DDR2: variants seen among roughly 807,000 people sequenced by gnomAD.
The protein encoded by DDR2 is discoidin domain receptor tyrosine kinase 2, also known as discoidin domain-containing receptor 2.
DDR2 carries 27 observed loss-of-function variants against 94.9 expected under a neutral mutation model. That is an observed-to-expected ratio of 0.28 (90% CI 0.21 to 0.39). The LOEUF (loss-of-function observed/expected upper bound fraction) is 0.39, where lower values mean the gene tolerates loss of function less well. Ranked by LOEUF, DDR2 falls within the 10% of genes least tolerant of loss-of-function variation. DDR2 has a pLI of 1.00. For missense variants in DDR2, 783 were observed against 1,076.0 expected, an observed-to-expected ratio of 0.73 and a Z score of 3.81; for synonymous variants, 382 against 377.2, an observed-to-expected ratio of 1.01 and a Z score of -0.15.
At position 162,690,860 on chromosome 1, in the gene DDR2, T is replaced by A. The variant is rs987128820; in HGVS notation, c.-27-28177T>A. 3.5e-4 allele frequency among the ~76,000 whole-genome samples: 53 copies of A among 152,350 alleles called. 2 individuals carry two copies. The highest frequency in any genetic ancestry group is 1.2e-3 in the African/African-American group (51 of 41,582). On this transcript the variant is annotated intron_variant, in intron 2 of 17. Transcript: ENST00000367921. ...CGGTTAAGAATCATGGGAATAGTATTCTTGCTCTAAAAACGGACCTACAGT... is the reference window on the plus strand; with the variant it reads ...CGGTTAAGAATCATGGGAATAGTATACTTGCTCTAAAAACGGACCTACAGT...
rs1270424859 is a variant in DDR2 at position 162,786,798 on chromosome 1, C to T, written c.*6552C>T. 1 of 152,184 alleles carries T rather than the reference C, an allele frequency of 6.6e-6. No homozygotes were observed. The highest frequency in any genetic ancestry group is 2.4e-5 in the African/African-American group (1 of 41,442). The allele number at this position is 152,184 out of a possible 1,614,324, so 9.4% of individuals were successfully genotyped here. ...GAAAGCATCTTGGTCTCTGACATAT[C>T]CAAACATACGAGACACTGGGATTTT... On this transcript the variant is annotated 3_prime_UTR_variant, in exon 18 of 18. Transcript: ENST00000367921.
intron 2 of DDR2, among the ~76,000 whole-genome samples, chr1:162,687,746 G>A (rs1659755780): frequency 6.6e-6 from 1 of 152,176 alleles, no homozygotes. Context: ...GGGACGGAGA[G>A]AAGAGGCTGA....
At chr1:162,660,853 T>C (rs1658257333) in intron 2 of DDR2, among the ~76,000 whole-genome samples, 1 of 152,242 alleles carries the variant, frequency 6.6e-6, no homozygotes, top group Non-Finnish European at 1.5e-5. Context: ...CTGTGGCTTC[T>C]TTTGTGCTGT....
chr1:162,775,680 A>G lies in DDR2; in HGVS notation c.1885A>G (p.Met629Val), dbSNP rs2102195375. Residue 629 changes from methionine (M) to valine (V), a missense_variant, in exon 15 of 18, where the codon ATG becomes GTG. Met to Val is a conservative substitution (Grantham distance 21, BLOSUM62 1). Coordinates refer to ENST00000367921, the MANE Select transcript of DDR2 (RefSeq NM_006182.4). ...RNDFLKEIKIMSRLKDPNIIH... is the reference protein window; with the variant it reads ...RNDFLKEIKIVSRLKDPNIIH... ...TGATTTTCTTAAGGAGATAAAGATCATGTCTCGGCTCAAGGACCCAAACAT... is the reference window on the plus strand; with the variant it reads ...TGATTTTCTTAAGGAGATAAAGATCGTGTCTCGGCTCAAGGACCCAAACAT... 3 of 1,614,112 alleles carry G rather than the reference A, an allele frequency of 1.9e-6. No individual in the cohort carries two copies. Among genetic ancestry groups the G allele is most frequent in the East Asian group, 2.2e-5 (1 of 44,882 alleles).
intron 1 of DDR2, among the ~76,000 whole-genome samples, chr1:162,643,092 A>G (rs923633019): frequency 6.6e-6 from 1 of 152,100 alleles, no homozygotes; most frequent in African/African-American, 2.4e-5. Context: ...AAGAGGATTG[A>G]TGGTTTTCCT....
chr1:162,779,020 T>C (rs1326843937), intron 17 of DDR2, among the ~76,000 whole-genome samples: 1 of 152,230 alleles, frequency 6.6e-6, no homozygotes, highest in African/African-American at 2.4e-5. Context: ...TCATGATTTA[T>C]CTATTTCTTG....
chr1:162,778,788 G>A (rs2102207749), intron 17 of DDR2, 59 bp downstream of exon 17: 2 of 1,610,276 alleles, frequency 1.2e-6, no homozygotes, highest in Non-Finnish European at 1.7e-6. Flanking sequence ...ATGGAGAATG[G>A]CAAGTCCTGC....
At chr1:162,666,566 A>C (rs1658578835) in intron 2 of DDR2, among the ~76,000 whole-genome samples, 1 of 152,174 alleles carries the variant, frequency 6.6e-6, no homozygotes, top group African/African-American at 2.4e-5. Flanking sequence ...AGCTGTTGAA[A>C]AAATGTGTGT....
At chr1:162,672,404 T>C (rs935278983) in intron 2 of DDR2, among the ~76,000 whole-genome samples, 2 of 152,138 alleles carry the variant, frequency 1.3e-5, no homozygotes, top group Non-Finnish European at 2.9e-5. Context: ...TTTCTAACTT[T>C]TCCCTGTTAT....
upstream of DDR2, chr1:162,631,484 A>C (rs1369236010): frequency 1.3e-5 from 2 of 151,464 alleles, no homozygotes; most frequent in East Asian, 3.9e-4. Context: ...TTTGCCATCT[A>C]CCTCTCTCTT....
intron 3 of DDR2, among the ~76,000 whole-genome samples, chr1:162,746,970 A>G (rs1028719083): frequency 6.6e-6 from 1 of 152,208 alleles, no homozygotes; most frequent in African/African-American, 2.4e-5. Context: ...AATAGCATCA[A>G]CATCAACAAA....
chr1:162,785,248 T>C lies in DDR2; in HGVS notation c.*5002T>C, dbSNP rs1397162342. Reference sequence around the variant, plus strand: ...GCTTCTACGTGAGTAGGATTAGCACTGGGGACAAAATAAGGAGTTTAGAGT... The same window carrying C: ...GCTTCTACGTGAGTAGGATTAGCACCGGGGACAAAATAAGGAGTTTAGAGT... On this transcript the variant is annotated 3_prime_UTR_variant, in exon 18 of 18. Coordinates refer to ENST00000367921, the MANE Select transcript of DDR2 (RefSeq NM_006182.4). 2 of 152,118 alleles carry C rather than the reference T, an allele frequency of 1.3e-5. No homozygotes were observed. Among genetic ancestry groups the C allele is most frequent in the African/African-American group, 2.4e-5 (1 of 41,434 alleles). 9.4% of individuals were successfully genotyped at this position (152,118 alleles called of 1,614,324 possible).
rs115602795 is a variant in DDR2, at chr1:162,634,178, G to C, written c.-192+1547G>C. 6.4e-3 allele frequency among the ~76,000 whole-genome samples: 980 copies of C among 152,302 alleles called. 13 individuals carry two copies. The highest frequency in any genetic ancestry group is 0.022 in the African/African-American group (927 of 41,588). ...TCAGAGGCCACTTCTGCACTTGGCT[G>C]AACATTTGTCTGGATATCAGATGTG... On this transcript the variant is annotated intron_variant, in intron 1 of 17. Transcript: ENST00000367921.
Position 162,773,610 on chromosome 1 carries a change from A to G in DDR2, c.1856+14A>G. ...CAAGAATGCCAGGTCTGTGGTCTAC[A>G]TTTTGAATTTTCCTTTAGGTATTTC... On this transcript the variant is annotated intron_variant, in intron 14 of 17. Coordinates refer to ENST00000367921, the MANE Select transcript of DDR2 (RefSeq NM_006182.4). The G allele has an allele frequency of 6.2e-7, 1 of 1,613,714 alleles. No homozygotes were observed. Among genetic ancestry groups the G allele is most frequent in the Non-Finnish European group, 8.5e-7 (1 of 1,179,724 alleles).
chr1:162,769,252 A>T (rs1664147766), intron 11 of DDR2, among the ~76,000 whole-genome samples: 1 of 152,218 alleles, frequency 6.6e-6, no homozygotes, highest in African/African-American at 2.4e-5. Flanking sequence ...ACCCCTGTAC[A>T]TCCTGAGTAA....
chr1:162,729,291 T>TAC (rs1661881302), intron 3 of DDR2, among the ~76,000 whole-genome samples: 4 of 17,742 alleles, frequency 2.3e-4, no homozygotes, highest in Non-Finnish European at 4.2e-4. Context: ...TATATATATA[T>TAC]ATATATATAT....
intron 3 of DDR2, among the ~76,000 whole-genome samples, chr1:162,745,565 C>G (rs1010992166): frequency 1.3e-5 from 2 of 151,888 alleles, no homozygotes; most frequent in African/African-American, 4.8e-5. Context: ...TTCCCAACAC[C>G]ATTTATTAAT....
intron 1 of DDR2, among the ~76,000 whole-genome samples, chr1:162,654,368 C>T (rs1050582161): frequency 3.3e-5 from 5 of 151,980 alleles, no homozygotes; most frequent in Non-Finnish European, 2.9e-5. Context: ...ATCACTTGAG[C>T]CTGGGGGTTC....
Position 162,780,201 on chromosome 1 carries a change from A to G in DDR2, c.2523A>G (p.Ser841=). 6.2e-7 allele frequency: 1 copy of G among 1,613,978 alleles called. No homozygotes were observed. The highest frequency in any genetic ancestry group is 1.3e-5 in the African/African-American group (1 of 75,006). Residue 841 remains serine, a synonymous_variant, in exon 18 of 18, where the codon TCA becomes TCG. Coordinates refer to ENST00000367921, the MANE Select transcript of DDR2 (RefSeq NM_006182.4). ...CWRRDTKNRP[S]FQEIHLLLLQ... is the part of the protein sequence containing the mutation. ...GAAGAGATACGAAGAACCGTCCCTC[A>G]TTCCAAGAAATCCACCTTCTGCTCC...
Sources: gnomAD v4.1 joint callset for allele counts (sites outside exome capture counted in the v4.1 genomes callset) on GRCh38, gnomAD v4.1.1 for gene constraint, MANE v1.5 for transcripts, NCBI Gene and HGNC (gene_info 2026-07-23, HGNC 2026-07-21) for gene names.